The following PRKAG2 variants were observed in gnomAD, a reference collection of about 807,000 sequenced individuals.
PRKAG2 encodes protein kinase AMP-activated non-catalytic subunit gamma 2.
Under a neutral mutation model 69.6 loss-of-function variants are expected in PRKAG2, and 26 were observed. That is an observed-to-expected ratio of 0.37 (90% CI 0.27 to 0.52). The LOEUF is 0.52. Ranked by LOEUF, PRKAG2 falls within the 20% of genes least tolerant of loss-of-function variation. The pLI, the probability that PRKAG2 is intolerant of heterozygous loss-of-function variation, is 0.90. For missense variants in PRKAG2, 557 were observed against 740.0 expected, an observed-to-expected ratio of 0.75 and a Z score of 2.87; for synonymous variants, 293 against 285.0, an observed-to-expected ratio of 1.03 and a Z score of -0.28.
At chr7:151,643,794 T>A (rs1227596155) in intron 4 of PRKAG2, among the ~76,000 whole-genome samples, 3 of 152,372 alleles carry the variant, frequency 2.0e-5, no homozygotes, top group East Asian at 3.9e-4. Flanking sequence ...TGTCCCTTTT[T>A]GTTGTGTGTA....
intron 4 of PRKAG2, among the ~76,000 whole-genome samples, chr7:151,660,736 C>T (rs560443934): frequency 3.3e-5 from 5 of 152,298 alleles, no homozygotes; most frequent in African/African-American, 1.2e-4. Flanking sequence ...TGTTATCTGT[C>T]CATTTCTGTA....
intron 4 of PRKAG2, among the ~76,000 whole-genome samples, chr7:151,667,270 C>T (rs1394922015): frequency 2.6e-5 from 4 of 152,270 alleles, no homozygotes; most frequent in East Asian, 1.9e-4. Context: ...CAGAGCACTT[C>T]ATGATAAACA....
intron 5 of PRKAG2, among the ~76,000 whole-genome samples, chr7:151,609,501 A>C (rs1818260085): frequency 6.6e-6 from 1 of 152,174 alleles, no homozygotes; most frequent in Non-Finnish European, 1.5e-5. Context: ...CAGGATAGTG[A>C]CTCAAAATGG....
chr7:151,870,389 T>A (rs1442236728), intron 1 of PRKAG2, among the ~76,000 whole-genome samples: 1 of 152,144 alleles, frequency 6.6e-6, no homozygotes, highest in Admixed American at 6.5e-5. Context: ...AAGCAGAATT[T>A]TATATTCTAA....
intron 5 of PRKAG2, among the ~76,000 whole-genome samples, chr7:151,631,276 C>G (rs1304220963): frequency 6.6e-6 from 1 of 152,234 alleles, no homozygotes; most frequent in East Asian, 1.9e-4. Flanking sequence ...TCTTTCCCGA[C>G]TCTGAGCTCA....
At chr7:151,713,874 C>A (rs555250438) in intron 3 of PRKAG2, among the ~76,000 whole-genome samples, 1 of 152,176 alleles carries the variant, frequency 6.6e-6, no homozygotes, top group African/African-American at 2.4e-5. Context: ...CTGCACCTGA[C>A]CCCCAGTGTT....
At chr7:151,685,395 G>A (rs1834569155) in intron 3 of PRKAG2, among the ~76,000 whole-genome samples, 1 of 152,060 alleles carries the variant, frequency 6.6e-6, no homozygotes, top group South Asian at 2.1e-4. Context: ...TTACACTCTT[G>A]AAAAATAGGG....
At chr7:151,723,947 T>C (rs59938864) in intron 3 of PRKAG2, among the ~76,000 whole-genome samples, 7,949 of 152,238 alleles carry the variant, frequency 0.052, 490 homozygotes, top group East Asian at 0.23. Context: ...CACCTCGGCT[T>C]CTGATCAACC....
chr7:151,795,416 T>C (rs1193472950), intron 1 of PRKAG2, among the ~76,000 whole-genome samples: 2 of 152,112 alleles, frequency 1.3e-5, no homozygotes, highest in Non-Finnish European at 2.9e-5. Context: ...AGCTGCGGTC[T>C]TCACAGGTGG....
At chr7:151,574,285 G>C (rs1462487786) in intron 8 of PRKAG2, among the ~76,000 whole-genome samples, 1 of 151,946 alleles carries the variant, frequency 6.6e-6, no homozygotes, top group African/African-American at 2.4e-5. Flanking sequence ...ACAAAACCAA[G>C]CAGGTTGAAT....
At chr7:151,597,318 A>C (rs1814798799) in intron 5 of PRKAG2, among the ~76,000 whole-genome samples, 1 of 152,228 alleles carries the variant, frequency 6.6e-6, no homozygotes, top group Non-Finnish European at 1.5e-5. Context: ...AAACTACGAA[A>C]CTACTAGAAG....
chr7:151,633,942 T>G (rs898661599), intron 4 of PRKAG2, among the ~76,000 whole-genome samples: 2 of 152,196 alleles, frequency 1.3e-5, no homozygotes, highest in African/African-American at 4.8e-5. Flanking sequence ...TATTTATTAT[T>G]TTTTTGAGAC....
At chr7:151,875,997 G>T (rs938695467) in intron 1 of PRKAG2, among the ~76,000 whole-genome samples, 1 of 151,418 alleles carries the variant, frequency 6.6e-6, no homozygotes, top group Non-Finnish European at 1.5e-5. Context: ...TGGAGCGGAG[G>T]GGGTGCATTG....
At chr7:151,856,743 C>T (rs573180186) in intron 1 of PRKAG2, among the ~76,000 whole-genome samples, 99 of 152,296 alleles carry the variant, frequency 6.5e-4, no homozygotes, top group African/African-American at 2.3e-3. Flanking sequence ...ACGGCGTCCC[C>T]ACCGGAGCAC....
Position 151,832,368 on chromosome 7 carries a change from G to A in PRKAG2, c.114+44139C>T, listed in dbSNP as rs553623481. On this transcript the variant is annotated intron_variant, in intron 1 of 15. Transcript: ENST00000287878. ...CACCAAGGAGACCTGCTTGTTGGGG[G>A]CGAAGCAGAAGCTCCGACTTCTGGG... 2.6e-5 allele frequency among the ~76,000 whole-genome samples: 4 copies of A among 152,244 alleles called. No homozygotes were observed. In the East Asian group the frequency reaches 5.8e-4, roughly 22 times the overall value.
chr7:151,744,307 G>C (rs1289812436), intron 3 of PRKAG2, among the ~76,000 whole-genome samples: 1 of 152,206 alleles, frequency 6.6e-6, no homozygotes, highest in African/African-American at 2.4e-5. Flanking sequence ...CCACTAACGT[G>C]GTGCTGGTCC....
At chr7:151,847,027 T>A (rs778214882) in intron 1 of PRKAG2, among the ~76,000 whole-genome samples, 7 of 152,166 alleles carry the variant, frequency 4.6e-5, no homozygotes, top group Non-Finnish European at 1.0e-4. Flanking sequence ...GGTAAGCGGC[T>A]GGGTGAGGGA....
intron 2 of PRKAG2, among the ~76,000 whole-genome samples, chr7:151,782,681 C>T (rs1254857620): frequency 6.6e-6 from 1 of 152,194 alleles, no homozygotes; most frequent in Non-Finnish European, 1.5e-5. Flanking sequence ...CTGAGCCAAC[C>T]TGGGCATGTT....
intron 3 of PRKAG2, among the ~76,000 whole-genome samples, chr7:151,702,777 A>G (rs892991395): frequency 6.6e-6 from 1 of 152,236 alleles, no homozygotes; most frequent in African/African-American, 2.4e-5. Flanking sequence ...CCCCTAGGAT[A>G]GCAAAGTTTT....
Sources: gnomAD v4.1 joint callset for allele counts (sites outside exome capture counted in the v4.1 genomes callset) on GRCh38, gnomAD v4.1.1 for gene constraint, MANE v1.5 for transcripts, NCBI Gene and HGNC (gene_info 2026-07-23, HGNC 2026-07-21) for gene names.